The following RGMA variants were observed in gnomAD, a reference collection of about 807,000 sequenced individuals.
The protein encoded by RGMA is repulsive guidance molecule A.
RGMA carries 10 observed loss-of-function variants against 23.2 expected under a neutral mutation model. That is an observed-to-expected ratio of 0.43 (90% CI 0.27 to 0.73). The LOEUF is 0.73. RGMA is among the 30% of genes least tolerant of loss of function. The pLI, the probability that RGMA is intolerant of heterozygous loss-of-function variation, is 0.20. For missense variants in RGMA, 547 were observed against 630.5 expected, an observed-to-expected ratio of 0.87 and a Z score of 1.42; for synonymous variants, 308 against 279.3, an observed-to-expected ratio of 1.10 and a Z score of -1.03.
chr15:93,054,361 T>G (rs1284314542), intron 2 of RGMA, among the ~76,000 whole-genome samples: 1 of 152,198 alleles, frequency 6.6e-6, no homozygotes, highest in Admixed American at 6.5e-5. Flanking sequence ...CTTGATATGG[T>G]TCGGCTGTGT....
intron 2 of RGMA, among the ~76,000 whole-genome samples, chr15:93,055,318 C>G (rs1356129414): frequency 1.3e-5 from 2 of 152,180 alleles, no homozygotes; most frequent in East Asian, 3.8e-4. Context: ...GGCTCTGACT[C>G]TCCACCACGA....
At chr15:93,063,378 C>T (rs1895034822) in intron 2 of RGMA, among the ~76,000 whole-genome samples, 1 of 152,262 alleles carries the variant, frequency 6.6e-6, no homozygotes, top group Admixed American at 6.5e-5. Context: ...TCCCCACCCT[C>T]TCCTGTCCTT....
chr15:93,074,899 G>A (rs1021072192), intron 1 of RGMA, among the ~76,000 whole-genome samples: 7 of 152,208 alleles, frequency 4.6e-5, no homozygotes, highest in African/African-American at 1.7e-4. Flanking sequence ...GCTAGTTCTA[G>A]AGTCTCTCGC....
intron 2 of RGMA, chr15:93,063,074 T>C (rs571312429): frequency 6.6e-6 from 1 of 152,124 alleles, no homozygotes; most frequent in African/African-American, 2.4e-5. Flanking sequence ...AACACTATTT[T>C]AGGAAGCAGT....
At chr15:93,078,864 A>G (rs1051043474) in intron 1 of RGMA, among the ~76,000 whole-genome samples, 1 of 152,228 alleles carries the variant, frequency 6.6e-6, no homozygotes, top group Non-Finnish European at 1.5e-5. Context: ...GCAAACAAAC[A>G]TTTTGCAAAG....
intron 1 of RGMA, among the ~76,000 whole-genome samples, chr15:93,085,490 A>C (rs1040879635): frequency 6.6e-6 from 1 of 152,228 alleles, no homozygotes; most frequent in African/African-American, 2.4e-5. Context: ...GCTTTAAACA[A>C]GCAACTGAAA....
intron 2 of RGMA, among the ~76,000 whole-genome samples, chr15:93,067,350 A>C (rs1445071448): frequency 6.6e-6 from 1 of 152,128 alleles, no homozygotes; most frequent in Non-Finnish European, 1.5e-5. Context: ...ACACACAAAA[A>C]CCCAAGGGCC....
chr15:93,087,472 A>AAAAC (rs1555451802), intron 1 of RGMA, among the ~76,000 whole-genome samples: 3 of 150,692 alleles, frequency 2.0e-5, no homozygotes, highest in Non-Finnish European at 4.4e-5. Flanking sequence ...TGCAAAAAAA[A>AAAAC]AAAAAAAAAA....
intron 1 of RGMA, among the ~76,000 whole-genome samples, chr15:93,084,970 C>T (rs1895614925): frequency 6.6e-6 from 1 of 152,060 alleles, no homozygotes; most frequent in African/African-American, 2.4e-5. Context: ...TCCACCTAAT[C>T]TTGTTTAAAG....
chr15:93,054,378 C>T (rs1311062520), intron 2 of RGMA, among the ~76,000 whole-genome samples: 3 of 152,056 alleles, frequency 2.0e-5, no homozygotes, highest in Non-Finnish European at 2.9e-5. Context: ...GTGTCCCCAC[C>T]CAAATCTCAC....
At position 93,042,283 on chromosome 15, in the gene RGMA, A is replaced by G. The variant is rs1025589463; in HGVS notation, c.*2715T>C. 6.6e-6 allele frequency: 1 copy of G among 152,270 alleles called. No individual in the cohort carries two copies. The highest frequency in any genetic ancestry group is 2.4e-5 in the African/African-American group (1 of 41,438). The allele number at this position is 152,270 out of a possible 1,614,324, so 9.4% of individuals were successfully genotyped here. A position where few individuals can be genotyped will look rare whatever the true frequency, so the allele number is the denominator to read the frequency against. ...CTAGCCTGCAGGTTCACCTCTCCCA[A>G]GAGTCCAGGGTCTGTATCGCCCCTT... On this transcript the variant is annotated 3_prime_UTR_variant, in exon 4 of 4. Transcript: ENST00000329082.
Position 93,045,460 on chromosome 15 carries a change from T to A in RGMA, c.891A>T (p.Pro297=). ...GRYLTFAVRM[P]EEVVNAVEDW... ...CCTCCACAGCATTGACCACTTCCTC[T>A]GGCATGCGGACGGCAAAGGTCAGGT... The change falls in exon 4 of 4, where the codon CCA becomes CCT. Residue 297 remains proline, a synonymous_variant. Transcript: ENST00000329082. The surrounding 1 kb of genome is among the most constrained non-coding windows in gnomAD (Gnocchi z 6.9). 1 of 1,613,164 alleles carries A rather than the reference T, an allele frequency of 6.2e-7. No homozygotes were observed. Among genetic ancestry groups the A allele is most frequent in the East Asian group, 2.2e-5 (1 of 44,856 alleles).
At chr15:93,086,809 C>A (rs1037187524) in intron 1 of RGMA, among the ~76,000 whole-genome samples, 1 of 152,166 alleles carries the variant, frequency 6.6e-6, no homozygotes, top group Non-Finnish European at 1.5e-5. Context: ...GATTCTTGTG[C>A]CTTTATTGTC....
chr15:93,056,365 C>A (rs1266900883), intron 2 of RGMA, among the ~76,000 whole-genome samples: 1 of 151,702 alleles, frequency 6.6e-6, no homozygotes, highest in East Asian at 2.0e-4. Context: ...GGGATGCGGC[C>A]ACCTTAGCCC....
In RGMA at chr15:93,045,336, C is replaced by A; in HGVS notation, c.1015G>T (p.Ala339Ser). 11 of 1,612,030 alleles carry A rather than the reference C, an allele frequency of 6.8e-6. No individual in the cohort carries two copies. The highest frequency in any genetic ancestry group is 9.3e-6 in the Non-Finnish European group (11 of 1,179,534). ...GGGCTGGCGGCTGCCAGCCTGCGGG[C>A]ACCGGTGCCCTCAGCATTGGTGTGG... ...AFHTNAEGTG[A>S]RRLAAASPAP... The change falls in exon 4 of 4, where the codon GCC becomes TCC. Residue 339 changes from alanine to serine, a missense_variant. By Grantham distance (99) the Ala-to-Ser change is moderately conservative. Transcript: ENST00000329082. The surrounding 1 kb of genome is among the most constrained non-coding windows in gnomAD (Gnocchi z 6.9).
intron 2 of RGMA, among the ~76,000 whole-genome samples, chr15:93,064,195 A>G (rs894147157): frequency 2.6e-5 from 4 of 152,218 alleles, no homozygotes; most frequent in Admixed American, 6.5e-5. Flanking sequence ...TCTCTAGGCA[A>G]GAGGAGCCCT....
intron 3 of RGMA, among the ~76,000 whole-genome samples, chr15:93,049,798 G>A (rs1251848741): frequency 6.6e-6 from 1 of 152,232 alleles, no homozygotes; most frequent in African/African-American, 2.4e-5. Flanking sequence ...GGGCAGGTGT[G>A]CAGGGACAGA....
rs1348933295 is a variant in RGMA at position 93,089,187 on chromosome 15, A to T, written c.-255T>A. ...GCCCAGCGGCTCGGGCGGCGCAGCC[A>T]GCGCTCGGGAGACAACTGCAGAGTG... On this transcript the variant is annotated 5_prime_UTR_variant, in exon 1 of 4. Transcript: ENST00000329082. The T allele has an allele frequency of 3.6e-6, 1 of 275,786 alleles. No individual in the cohort carries two copies. The highest frequency in any genetic ancestry group is 6.7e-6 in the Non-Finnish European group (1 of 148,612). The allele number at this position is 275,786 out of a possible 1,614,324, so 17.1% of individuals were successfully genotyped here.
At position 93,044,639 on chromosome 15, in the gene RGMA, A is replaced by T; in HGVS notation, c.*359T>A. The T allele has an allele frequency of 1.0e-5, 3 of 301,266 alleles. No individual in the cohort carries two copies. Among genetic ancestry groups the T allele is most frequent in the South Asian group, 9.6e-5 (2 of 20,766 alleles). The allele number at this position is 301,266 out of a possible 1,614,324, so 18.7% of individuals were successfully genotyped here. A position where few individuals can be genotyped will look rare whatever the true frequency, so the allele number is the denominator to read the frequency against. Reference sequence around the variant, plus strand: ...CGAGCAGCAGTCGGCCGGGCCTTTCAGTGCATTGCGAGGGGGAAGGAGCTG... The same window carrying T: ...CGAGCAGCAGTCGGCCGGGCCTTTCTGTGCATTGCGAGGGGGAAGGAGCTG... On this transcript the variant is annotated 3_prime_UTR_variant, in exon 4 of 4. Coordinates refer to ENST00000329082, the MANE Select transcript of RGMA (RefSeq NM_020211.3).
Sources: allele counts gnomAD v4.1 joint callset (sites outside exome capture counted in the v4.1 genomes callset), GRCh38; gene constraint gnomAD v4.1.1; non-coding constraint Gnocchi (gnomAD v3.1); transcripts MANE v1.5; gene names NCBI Gene and HGNC (gene_info 2026-07-23, HGNC 2026-07-21).